The following SBF2 variants were observed in gnomAD, a reference collection of about 807,000 sequenced individuals.
The protein encoded by SBF2 is SET binding factor 2.
In SBF2, 112 loss-of-function variants were observed where a neutral mutation model predicts 225.2. The ratio of observed to expected loss-of-function variants is 0.50; its 90% CI spans 0.43 to 0.58. SBF2 has a LOEUF of 0.58. SBF2 is among the 20% of genes least tolerant of loss of function. The probability of loss-of-function intolerance (pLI) is 0.00; values close to 1 mark genes in which losing one functional copy is unlikely to be tolerated. For missense variants in SBF2, 1,996 were observed against 2,206.2 expected (o/e 0.90, Z 1.91); for synonymous variants, 763 against 773.3 (o/e 0.99, Z 0.22).
At chr11:10,025,552 T>C (rs908661973) in intron 6 of SBF2, among the ~76,000 whole-genome samples, 4 of 152,170 alleles carry the variant, frequency 2.6e-5, no homozygotes, top group African/African-American at 4.8e-5. Context: ...GGATCATGGC[T>C]TGGCAATTAT....
chr11:10,238,639 G>A (rs1222884411), intron 1 of SBF2, among the ~76,000 whole-genome samples: 1 of 150,674 alleles, frequency 6.6e-6, no homozygotes, highest in African/African-American at 2.4e-5. Flanking sequence ...ATGGCTGGGC[G>A]CAGTGGTTCA....
At chr11:10,161,224 A>G (rs908961751) in intron 2 of SBF2, among the ~76,000 whole-genome samples, 4 of 151,160 alleles carry the variant, frequency 2.6e-5, no homozygotes, top group Non-Finnish European at 4.4e-5. Flanking sequence ...ATAAGAAAAT[A>G]GCAGTTTTCA....
chr11:9,833,433 T>TA lies in SBF2; in HGVS notation c.3456-1014_3456-1013insT, dbSNP rs201009649. ...CTTTTTTTTGGTGATTTTTTTTTTTTTTTTTGAGATGCAGTCTCGCTCTGT... is the reference window on the plus strand; with the variant it reads ...CTTTTTTTTGGTGATTTTTTTTTTTTATTTTTGAGATGCAGTCTCGCTCTGT... On this transcript the variant is annotated intron_variant, in intron 26 of 39. Transcript: ENST00000256190. Among the ~76,000 whole-genome samples, 7 of 151,166 alleles carry TA rather than the reference T, an allele frequency of 4.6e-5. No homozygotes were observed. The East Asian group carries it at 1.2e-3, about 25-fold the overall frequency.
chr11:10,232,213 T>C (rs1271519248), intron 1 of SBF2, among the ~76,000 whole-genome samples: 1 of 152,204 alleles, frequency 6.6e-6, no homozygotes, highest in Non-Finnish European at 1.5e-5. Context: ...TGTCACCCCT[T>C]TCTTTGACTA....
At chr11:9,858,108 T>G (rs1857450454) in intron 18 of SBF2, 118 bp downstream of exon 18, 1 of 1,165,520 alleles carries the variant, frequency 8.6e-7, no homozygotes, top group Non-Finnish European at 1.3e-6. Context: ...GCTCCCTAAA[T>G]AAAACCCAAA....
intron 2 of SBF2, among the ~76,000 whole-genome samples, chr11:10,116,588 T>C (rs1358619447): frequency 1.3e-5 from 2 of 152,256 alleles, no homozygotes; most frequent in African/African-American, 4.8e-5. Context: ...CTAATTCAAA[T>C]ATAAACTCCT....
intron 29 of SBF2, among the ~76,000 whole-genome samples, chr11:9,813,348 G>A (rs937397175): frequency 3.9e-5 from 6 of 151,956 alleles, no homozygotes; most frequent in African/African-American, 1.4e-4. Context: ...GTTTTTTTGG[G>A]ATGGAGTCTT....
intron 1 of SBF2, among the ~76,000 whole-genome samples, chr11:10,252,531 C>T (rs760764074): frequency 5.9e-5 from 9 of 152,198 alleles, no homozygotes; most frequent in Non-Finnish European, 8.8e-5. Flanking sequence ...TGGCCGGGCG[C>T]GGTGGCTCAC....
intron 16 of SBF2, among the ~76,000 whole-genome samples, chr11:9,926,834 A>C (rs1365679237): frequency 6.6e-6 from 1 of 152,200 alleles, no homozygotes; most frequent in Non-Finnish European, 1.5e-5. Flanking sequence ...CATCTACCTT[A>C]AGAAAATGGA....
intron 2 of SBF2, among the ~76,000 whole-genome samples, chr11:10,091,206 A>G (rs531839367): frequency 9.3e-4 from 142 of 152,334 alleles, no homozygotes; most frequent in African/African-American, 2.8e-3. Flanking sequence ...CAACATATAC[A>G]AGGTTCAAAA....
chr11:9,929,278 A>AC (rs200241153), intron 16 of SBF2: 21 of 174,780 alleles, frequency 1.2e-4, no homozygotes, highest in Admixed American at 1.8e-4. Flanking sequence ...CAAAAAACAA[A>AC]AAAAAAAAAA....
At chr11:10,068,932 A>C (rs989506009) in intron 2 of SBF2, among the ~76,000 whole-genome samples, 7 of 152,192 alleles carry the variant, frequency 4.6e-5, no homozygotes, top group African/African-American at 1.4e-4. Flanking sequence ...AATCATTCAA[A>C]TTCTTGCTGC....
intron 2 of SBF2, among the ~76,000 whole-genome samples, chr11:10,112,571 G>T (rs1241904387): frequency 6.6e-6 from 1 of 152,194 alleles, no homozygotes; most frequent in East Asian, 1.9e-4. Context: ...TCAGCAGTGT[G>T]AAATGGACTA....
intron 2 of SBF2, among the ~76,000 whole-genome samples, chr11:10,173,592 C>A (rs1285380159): frequency 6.6e-6 from 1 of 152,178 alleles, no homozygotes; most frequent in East Asian, 1.9e-4. Flanking sequence ...GGAGGGGCGC[C>A]CACCATTGCC....
intron 2 of SBF2, among the ~76,000 whole-genome samples, chr11:10,057,993 GA>G (rs145088401): frequency 0.1 from 15,314 of 149,958 alleles, 934 homozygotes; most frequent in Non-Finnish European, 0.11. Flanking sequence ...AAAACATCCA[GA>G]AAAGAAGTCT....
intron 1 of SBF2, among the ~76,000 whole-genome samples, chr11:10,237,255 G>A (rs1407210027): frequency 6.6e-6 from 1 of 152,204 alleles, no homozygotes; most frequent in Non-Finnish European, 1.5e-5. Flanking sequence ...CCTGTGGCAT[G>A]AGAATCACTT....
chr11:10,200,709 T>TA (rs1236753531), intron 1 of SBF2, among the ~76,000 whole-genome samples: 2 of 152,184 alleles, frequency 1.3e-5, no homozygotes, highest in South Asian at 4.1e-4. Context: ...TTTTTTTAGT[T>TA]ACAGATATAT....
At chr11:9,966,754 G>T (rs909014105) in intron 14 of SBF2, among the ~76,000 whole-genome samples, 6 of 152,182 alleles carry the variant, frequency 3.9e-5, no homozygotes, top group Non-Finnish European at 7.3e-5. Context: ...ACAGTGAAAT[G>T]ACCAATAGCA....
At chr11:9,866,385 G>A (rs777797774) in intron 17 of SBF2, among the ~76,000 whole-genome samples, 2 of 152,088 alleles carry the variant, frequency 1.3e-5, no homozygotes, top group Non-Finnish European at 2.9e-5. Context: ...CAGACTCATT[G>A]ACTAAAAAAA....
Sources: allele counts gnomAD v4.1 joint callset (sites outside exome capture counted in the v4.1 genomes callset), GRCh38; gene constraint gnomAD v4.1.1; transcripts MANE v1.5; gene names NCBI Gene and HGNC (gene_info 2026-07-23, HGNC 2026-07-21).